Variants in EIF4G3 observed in about 807,000 individuals in gnomAD.
The protein encoded by EIF4G3 is eIF-4-gamma 3.
In EIF4G3, 34 loss-of-function variants were observed where a neutral mutation model predicts 186.4. That is an observed-to-expected ratio of 0.18 (90% confidence interval 0.14 to 0.24). EIF4G3 has a LOEUF of 0.24. Among genes scored for constraint, EIF4G3 ranks in the 10% least tolerant of loss-of-function variants. The probability of loss-of-function intolerance (pLI) is 1.00; values close to 1 mark genes in which losing one functional copy is unlikely to be tolerated. For missense variants in EIF4G3, 1,536 were observed against 1,948.5 expected (o/e 0.79, Z 3.99); for synonymous variants, 673 against 679.5 (o/e 0.99, Z 0.15).
At chr1:21,150,217 T>C (rs1169534924) in intron 2 of EIF4G3, among the ~76,000 whole-genome samples, 1 of 152,228 alleles carries the variant, frequency 6.6e-6, no homozygotes, top group Non-Finnish European at 1.5e-5. Context: ...TCAGCCCTGC[T>C]GCAGTCCCAG....
At chr1:21,053,014 A>C (rs2094333737) in intron 3 of EIF4G3, among the ~76,000 whole-genome samples, 1 of 151,148 alleles carries the variant, frequency 6.6e-6, no homozygotes, top group Non-Finnish European at 1.5e-5. Context: ...CCGTCTGGGA[A>C]GTGAGGAGCG....
intron 3 of EIF4G3, among the ~76,000 whole-genome samples, chr1:21,060,839 G>A (rs1261329795): frequency 6.6e-6 from 1 of 151,394 alleles, no homozygotes; most frequent in Non-Finnish European, 1.5e-5. Context: ...CACAACTAAT[G>A]GTGGCTTAGA....
At chr1:20,976,063 A>C (rs1271785368) in intron 10 of EIF4G3, among the ~76,000 whole-genome samples, 1 of 152,148 alleles carries the variant, frequency 6.6e-6, no homozygotes, top group Non-Finnish European at 1.5e-5. Context: ...GTCTATATAA[A>C]AAGTGTCAAT....
intron 4 of EIF4G3, among the ~76,000 whole-genome samples, chr1:21,040,020 A>G (rs2093470161): frequency 6.6e-6 from 1 of 152,244 alleles, no homozygotes; most frequent in Non-Finnish European, 1.5e-5. Context: ...TATGAAATAC[A>G]TATTTGGTCT....
At position 21,155,262 on chromosome 1, in the gene EIF4G3, CAAAA is replaced by C. The variant is rs34182850; in HGVS notation, c.-272+20909_-272+20912del. Among the ~76,000 whole-genome samples the C allele has an allele frequency of 2.3e-4, 10 of 43,320 alleles. No individual in the cohort carries two copies. The East Asian group carries it at 5.5e-3, about 24-fold the overall frequency. 28.4% of individuals were successfully genotyped at this position (43,320 alleles called of 152,430 possible). ...TGGGAGACAGTGCGAGACTCTGTCT[CAAAA>C]AAAAAAAAAAAAAAAAAAAAGAAAG... On this transcript the variant is annotated intron_variant, in intron 2 of 36. Transcript: ENST00000602326.
intron 12 of EIF4G3, among the ~76,000 whole-genome samples, chr1:20,968,200 G>GTC (rs71014138): frequency 0.028 from 4,105 of 148,688 alleles, 82 homozygotes; most frequent in Non-Finnish European, 0.038. Context: ...TTAAGACAGA[G>GTC]TCTCTCTCTC....
At chr1:21,134,572 T>C (rs1411845779) in intron 2 of EIF4G3, among the ~76,000 whole-genome samples, 1 of 152,100 alleles carries the variant, frequency 6.6e-6, no homozygotes, top group Middle Eastern at 3.2e-3. Context: ...CGGGCGCTGA[T>C]TCATGAGAAT....
chr1:21,068,392 A>C (rs796597269), intron 3 of EIF4G3, among the ~76,000 whole-genome samples: 4,857 of 148,568 alleles, frequency 0.033, 340 homozygotes, highest in African/African-American at 0.11. Flanking sequence ...AAAAAAAAAA[A>C]AAAAAAAACA....
At chr1:21,047,382 T>C (rs1222528289) in intron 4 of EIF4G3, among the ~76,000 whole-genome samples, 1 of 152,222 alleles carries the variant, frequency 6.6e-6, no homozygotes, top group Non-Finnish European at 1.5e-5. Flanking sequence ...ATTTTACTTT[T>C]GGGGGTAACT....
At position 20,810,960 on chromosome 1, in the gene EIF4G3, CTTTTTTT is replaced by C; in HGVS notation, c.4598-83_4598-77del. The C allele has an allele frequency of 6.8e-7, 1 of 1,464,112 alleles. No homozygotes were observed. Among genetic ancestry groups the C allele is most frequent in the Non-Finnish European group, 9.2e-7 (1 of 1,082,686 alleles). 90.7% of individuals were successfully genotyped at this position (1,464,112 alleles called of 1,614,324 possible). A position where few individuals can be genotyped will look rare whatever the true frequency, so the allele number is the denominator to read the frequency against. On this transcript the variant is annotated intron_variant, in intron 35 of 36. Transcript: ENST00000602326. The surrounding 1 kb of genome is among the most constrained non-coding windows in gnomAD (Gnocchi z 4.1). ...TTATCTTTAATTTTCTTTCTTTTTT[CTTTTTTT>C]GAGACAGAGCCTCACTCTATTGCCC...
chr1:20,929,545 CTG>C (rs1323455652), intron 14 of EIF4G3: 1 of 152,188 alleles, frequency 6.6e-6, no homozygotes, highest in African/African-American at 2.4e-5. Context: ...TCCAACTCTT[CTG>C]TGTATTAGCA....
intron 3 of EIF4G3, among the ~76,000 whole-genome samples, chr1:21,056,247 G>A (rs1425806273): frequency 6.6e-6 from 1 of 152,052 alleles, no homozygotes; most frequent in Non-Finnish European, 1.5e-5. Context: ...ATAAAAGCAG[G>A]CCAAAGAAAA....
intron 14 of EIF4G3, among the ~76,000 whole-genome samples, chr1:20,937,579 A>G (rs1016589804): frequency 2.6e-5 from 4 of 152,214 alleles, no homozygotes; most frequent in African/African-American, 9.6e-5. Flanking sequence ...GAAAAATTAG[A>G]AATCTCCCTC....
chr1:21,012,506 G>A (rs116146315), intron 4 of EIF4G3, among the ~76,000 whole-genome samples: 11 of 152,270 alleles, frequency 7.2e-5, no homozygotes, highest in East Asian at 1.9e-4. Flanking sequence ...AACAGACTAC[G>A]ATGATCCAGG....
intron 2 of EIF4G3, chr1:21,168,025 G>A: frequency 2.1e-6 from 1 of 470,302 alleles, no homozygotes; most frequent in Non-Finnish European, 4.4e-6. Context: ...AAAGCCAAAG[G>A]TGAAAAAATA....
intron 2 of EIF4G3, among the ~76,000 whole-genome samples, chr1:21,139,886 AAC>A (rs1271864200): frequency 2.0e-5 from 3 of 152,190 alleles, no homozygotes; most frequent in Non-Finnish European, 1.5e-5. Flanking sequence ...AACTGATTCC[AAC>A]AGCTAGCACT....
At chr1:20,900,030 AAAGGAAAACATGTCATTC>A in intron 15 of EIF4G3, 87 bp from the exon 16 acceptor site, 1 of 1,301,816 alleles carries the variant, frequency 7.7e-7, no homozygotes, top group Non-Finnish European at 1.1e-6. Context: ...TTCAAAAAGC[AAAGGAAAACATGTCATTC>A]AAGGTAAGAA....
At chr1:21,146,253 G>C (rs1387542689) in intron 2 of EIF4G3, among the ~76,000 whole-genome samples, 1 of 152,124 alleles carries the variant, frequency 6.6e-6, no homozygotes, top group African/African-American at 2.4e-5. Flanking sequence ...CTAATTGGGA[G>C]GCTGAGGCAG....
intron 18 of EIF4G3, among the ~76,000 whole-genome samples, chr1:20,890,768 TTATA>T (rs2085750870): frequency 6.6e-6 from 1 of 152,188 alleles, no homozygotes; most frequent in African/African-American, 2.4e-5. Flanking sequence ...TTTTGTTCCT[TTATA>T]TGTTGATATT....
Sources: gnomAD v4.1 joint callset for allele counts (sites outside exome capture counted in the v4.1 genomes callset) on GRCh38, gnomAD v4.1.1 for gene constraint, Gnocchi (gnomAD v3.1) non-coding constraint, MANE v1.5 for transcripts, NCBI Gene and HGNC (gene_info 2026-07-23, HGNC 2026-07-21) for gene names.